The following TBXAS1 variants were observed in gnomAD, a reference collection of about 807,000 sequenced individuals.
The protein encoded by TBXAS1 is thromboxane A synthase 1.
TBXAS1 carries 48 observed loss-of-function variants against 60.7 expected under a neutral mutation model. The observed-to-expected ratio is 0.79, with a 90% CI of 0.63 to 1.01. TBXAS1 has a LOEUF of 1.01. Ranked by LOEUF, TBXAS1 falls within the 50% of genes least tolerant of loss-of-function variation. The pLI is 0.00. For missense variants in TBXAS1, 685 were observed against 686.3 expected (o/e 1.00, Z 0.02); for synonymous variants, 287 against 269.7 (o/e 1.06, Z -0.63).
intron 9 of TBXAS1, among the ~76,000 whole-genome samples, chr7:139,995,774 C>G (rs1569523722): frequency 6.6e-6 from 1 of 152,178 alleles, no homozygotes; most frequent in Non-Finnish European, 1.5e-5. Context: ...ACAGCACTGC[C>G]TTTTCCTTGG....
At chr7:139,868,138 G>T (rs1016173506) in intron 1 of TBXAS1, among the ~76,000 whole-genome samples, 1 of 152,158 alleles carries the variant, frequency 6.6e-6, no homozygotes, top group Non-Finnish European at 1.5e-5. Context: ...AACCATAATT[G>T]TGGGAAACAT....
At chr7:139,995,329 A>G (rs1569523691) in intron 9 of TBXAS1, among the ~76,000 whole-genome samples, 1 of 152,178 alleles carries the variant, frequency 6.6e-6, no homozygotes, top group Admixed American at 6.5e-5. Flanking sequence ...TCTGACTCCT[A>G]CAGCAAATCA....
At chr7:139,939,220 C>G (rs971291070) in intron 5 of TBXAS1, among the ~76,000 whole-genome samples, 6 of 151,880 alleles carry the variant, frequency 4.0e-5, no homozygotes, top group Non-Finnish European at 8.8e-5. Flanking sequence ...CAAAAAGTAG[C>G]CAGTGTGGTG....
intron 4 of TBXAS1, among the ~76,000 whole-genome samples, chr7:139,929,989 G>A (rs776748582): frequency 6.6e-6 from 1 of 152,180 alleles, no homozygotes; most frequent in African/African-American, 2.4e-5. Flanking sequence ...GTCTTGTGGA[G>A]TACAAATCCT....
intron 4 of TBXAS1, among the ~76,000 whole-genome samples, chr7:139,929,167 A>C (rs1023830354): frequency 6.6e-6 from 1 of 152,254 alleles, no homozygotes; most frequent in African/African-American, 2.4e-5. Context: ...CAAAAGAAAT[A>C]GCACTCAAAT....
At chr7:139,906,019 C>A in intron 3 of TBXAS1, 1 of 239,132 alleles carries the variant, frequency 4.2e-6, no homozygotes, top group Non-Finnish European at 8.6e-6. Flanking sequence ...TCATTTTTTG[C>A]ATAAGGTATG....
intron 5 of TBXAS1, among the ~76,000 whole-genome samples, chr7:139,946,414 A>G (rs1317812750): frequency 6.6e-6 from 1 of 152,224 alleles, no homozygotes; most frequent in Non-Finnish European, 1.5e-5. Flanking sequence ...GGCACTATCA[A>G]AGTCCTAAGA....
intron 3 of TBXAS1, among the ~76,000 whole-genome samples, chr7:139,889,826 G>A (rs1803416170): frequency 6.6e-6 from 1 of 152,208 alleles, no homozygotes; most frequent in Admixed American, 6.5e-5. Context: ...TGTCATCTGG[G>A]GGTTTAAGAT....
At chr7:139,989,117 A>G (rs1042892835) in intron 9 of TBXAS1, among the ~76,000 whole-genome samples, 2 of 152,194 alleles carry the variant, frequency 1.3e-5, no homozygotes, top group African/African-American at 4.8e-5. Flanking sequence ...CATAGCAGAA[A>G]TCAACAACAC....
At chr7:139,842,018 A>G (rs991307575) in intron 1 of TBXAS1, among the ~76,000 whole-genome samples, 2 of 152,152 alleles carry the variant, frequency 1.3e-5, no homozygotes, top group African/African-American at 4.8e-5. Flanking sequence ...ATTATTTGCA[A>G]TTTTAAAAAT....
intron 3 of TBXAS1, among the ~76,000 whole-genome samples, chr7:139,904,989 CTCTTTCTCTCTTTCTCTCTTTCTTTCTT>C (rs1299384217): frequency 8.5e-5 from 11 of 128,808 alleles, no homozygotes; most frequent in African/African-American, 3.3e-4. Flanking sequence ...TTCTCTTTCT[CTCTTTCTCTCTTTCTCTCTTTCTTTCTT>C]TCTTTCTTTC....
intron 4 of TBXAS1, among the ~76,000 whole-genome samples, chr7:139,915,467 G>A (rs1006063788): frequency 2.6e-5 from 4 of 152,092 alleles, no homozygotes; most frequent in East Asian, 1.9e-4. Flanking sequence ...AAAATACCTC[G>A]GCATATTAGT....
At chr7:140,012,552 G>A (rs1169661913) in intron 10 of TBXAS1, among the ~76,000 whole-genome samples, 3 of 151,228 alleles carry the variant, frequency 2.0e-5, no homozygotes, top group Non-Finnish European at 4.4e-5. Flanking sequence ...TCCTCTTCCC[G>A]GGTTCAAGCG....
At chr7:139,825,434 AT>A (rs1798412546), upstream of TBXAS1, among the ~76,000 whole-genome samples, 1 of 152,178 alleles carries the variant, frequency 6.6e-6, no homozygotes, top group African/African-American at 2.4e-5. Context: ...TCTCCATGGC[AT>A]TTATGGTTTC....
intron 4 of TBXAS1, among the ~76,000 whole-genome samples, chr7:139,922,747 T>C (rs1322569548): frequency 6.6e-6 from 1 of 152,256 alleles, no homozygotes; most frequent in Non-Finnish European, 1.5e-5. Context: ...ATTATGGTTC[T>C]ACCTCTCACT....
chr7:139,815,519 TTACCTTGGCAA>T (rs1276592785), intron 4 of TBXAS1, among the ~76,000 whole-genome samples: 1 of 152,230 alleles, frequency 6.6e-6, no homozygotes, highest in Non-Finnish European at 1.5e-5. Flanking sequence ...TCTTATTAGT[TTACCTTGGCAA>T]TACCTCTCTA....
chr7:139,967,221 C>T (rs1177797416), intron 9 of TBXAS1, among the ~76,000 whole-genome samples: 2 of 152,208 alleles, frequency 1.3e-5, no homozygotes, highest in African/African-American at 4.8e-5. Context: ...CCACCTTCTG[C>T]CCTCTCCTTC....
upstream of TBXAS1, among the ~76,000 whole-genome samples, chr7:139,826,868 C>G (rs978492351): frequency 1.3e-5 from 2 of 152,210 alleles, no homozygotes; most frequent in Admixed American, 6.5e-5. Flanking sequence ...TCAGGCTTAA[C>G]AAAACTGAAT....
intron 3 of TBXAS1, among the ~76,000 whole-genome samples, chr7:139,909,678 A>G (rs755709852): frequency 3.3e-5 from 5 of 152,234 alleles, no homozygotes; most frequent in African/African-American, 9.6e-5. Flanking sequence ...ATTTAAAACA[A>G]TTAATATCAT....
Sources: allele counts gnomAD v4.1 joint callset (sites outside exome capture counted in the v4.1 genomes callset), GRCh38; gene constraint gnomAD v4.1.1; transcripts MANE v1.5; gene names NCBI Gene and HGNC (gene_info 2026-07-23, HGNC 2026-07-21).